Variants in ZBTB16 observed in about 807,000 individuals in gnomAD.
ZBTB16 encodes the protein zinc finger and BTB domain-containing protein 16.
Under a neutral mutation model 56.8 loss-of-function variants are expected in ZBTB16, and 8 were observed. That is an observed-to-expected ratio of 0.14 (90% CI 0.08 to 0.25). The LOEUF (loss-of-function observed/expected upper bound fraction) is 0.25, where lower values mean the gene tolerates loss of function less well. Among genes scored for constraint, ZBTB16 ranks in the 10% least tolerant of loss-of-function variants. ZBTB16 has a pLI of 1.00. For synonymous variants in ZBTB16, 363 were observed against 368.5 expected (o/e 0.98, Z 0.17); for missense variants, 625 against 903.0 (o/e 0.69, Z 3.95).
chr11:114,155,790 A>G (rs1271345347), intron 2 of ZBTB16, among the ~76,000 whole-genome samples: 5 of 152,186 alleles, frequency 3.3e-5, no homozygotes, highest in Non-Finnish European at 1.5e-5. Context: ...ATGCCAGAGA[A>G]GTATCTTATG....
At chr11:114,192,114 A>G (rs957840592) in intron 4 of ZBTB16, among the ~76,000 whole-genome samples, 3 of 152,178 alleles carry the variant, frequency 2.0e-5, no homozygotes, top group Non-Finnish European at 2.9e-5. Flanking sequence ...AGCTGGTGTC[A>G]TCTGAAGACT....
intron 4 of ZBTB16, among the ~76,000 whole-genome samples, chr11:114,226,876 A>G (rs776282435): frequency 4.2e-4 from 64 of 151,848 alleles, no homozygotes; most frequent in Non-Finnish European, 4.1e-4. Flanking sequence ...TTATTTTACT[A>G]TTTTTCTTTA....
chr11:114,145,600 G>A (rs1301127871), intron 2 of ZBTB16, among the ~76,000 whole-genome samples: 1 of 152,198 alleles, frequency 6.6e-6, no homozygotes, highest in African/African-American at 2.4e-5. Context: ...AATCTGTAGA[G>A]GAAGATAGTA....
chr11:114,230,482 A>G (rs965090492), intron 4 of ZBTB16, among the ~76,000 whole-genome samples: 1 of 152,142 alleles, frequency 6.6e-6, no homozygotes, highest in Non-Finnish European at 1.5e-5. Context: ...TGTGCCGTAC[A>G]GTACGGGAAG....
chr11:114,241,904 C>T (rs652091), intron 4 of ZBTB16, among the ~76,000 whole-genome samples: 143,409 of 152,228 alleles, frequency 0.94, 67,602 homozygotes, highest in East Asian at 0.99. Context: ...CAGTTGCCCA[C>T]TACCCTTGCT....
intron 2 of ZBTB16, among the ~76,000 whole-genome samples, chr11:114,152,723 C>T (rs549521632): frequency 1.3e-5 from 2 of 152,330 alleles, no homozygotes; most frequent in East Asian, 1.9e-4. Context: ...AAGGTAGCTT[C>T]TTCTCAGAGA....
intron 2 of ZBTB16, among the ~76,000 whole-genome samples, chr11:114,128,046 T>C (rs1431061764): frequency 6.6e-6 from 1 of 152,102 alleles, no homozygotes; most frequent in Non-Finnish European, 1.5e-5. Context: ...GTGGGAAGGG[T>C]ATAGGGCTGG....
chr11:114,209,378 G>A (rs1222998661), intron 4 of ZBTB16: 1 of 985,234 alleles, frequency 1.0e-6, no homozygotes, highest in African/African-American at 1.7e-5. Flanking sequence ...CAGGTTAATG[G>A]TGTCTGGGAT....
chr11:114,067,411 T>C (rs1939157407), intron 2 of ZBTB16, among the ~76,000 whole-genome samples: 1 of 151,982 alleles, frequency 6.6e-6, no homozygotes, highest in African/African-American at 2.4e-5. Flanking sequence ...GCTTTTGTTG[T>C]TGTTGTTGTT....
intron 3 of ZBTB16, among the ~76,000 whole-genome samples, chr11:114,174,044 C>G (rs914368597): frequency 1.3e-5 from 2 of 152,158 alleles, no homozygotes; most frequent in Non-Finnish European, 2.9e-5. Context: ...GAACTCATTC[C>G]TCTCTATAAT....
chr11:114,195,407 G>C (rs2135086222), intron 4 of ZBTB16, among the ~76,000 whole-genome samples: 1 of 152,274 alleles, frequency 6.6e-6, no homozygotes, highest in Non-Finnish European at 1.5e-5. Context: ...TGGCCAGAGA[G>C]ACTGAGGGAG....
intron 1 of ZBTB16, among the ~76,000 whole-genome samples, chr11:114,062,841 C>T (rs546211862): frequency 6.6e-6 from 1 of 152,320 alleles, no homozygotes; most frequent in East Asian, 1.9e-4. Flanking sequence ...TAAGTAAGTG[C>T]ACTTCATCAT....
intron 4 of ZBTB16, among the ~76,000 whole-genome samples, chr11:114,198,427 G>GGAGC (rs1943654705): frequency 6.6e-6 from 1 of 152,250 alleles, no homozygotes; most frequent in East Asian, 1.9e-4. Context: ...CGGCTGTGCT[G>GGAGC]GAGCTGCTTG....
intron 2 of ZBTB16, among the ~76,000 whole-genome samples, chr11:114,104,858 T>C (rs935563698): frequency 2.0e-5 from 3 of 152,208 alleles, no homozygotes; most frequent in African/African-American, 7.2e-5. Context: ...CTAGATGTTC[T>C]TGTAGGGGCA....
Position 114,100,519 on chromosome 11 carries a change from T to C in ZBTB16, c.1268+35951T>C, listed in dbSNP as rs1239154541. 2.0e-5 allele frequency among the ~76,000 whole-genome samples: 3 copies of C among 152,206 alleles called. No individual in the cohort carries two copies. In the East Asian group the frequency reaches 5.8e-4, roughly 29 times the overall value. On this transcript the variant is annotated intron_variant, in intron 2 of 6. Coordinates refer to ENST00000335953, the MANE Select transcript of ZBTB16 (RefSeq NM_006006.6). ...GGACTAGTATGTATTTAATATTTCA[T>C]CTAATTTTTGTAGCCCTGGCCTGGC...
intron 2 of ZBTB16, among the ~76,000 whole-genome samples, chr11:114,137,717 C>CT (rs200367270): frequency 2.1e-3 from 313 of 151,976 alleles, no homozygotes; most frequent in African/African-American, 6.3e-3. Context: ...TGACCATGCC[C>CT]TTTTTTTTGG....
intron 4 of ZBTB16, among the ~76,000 whole-genome samples, chr11:114,199,944 T>C (rs947658358): frequency 1.3e-5 from 2 of 152,080 alleles, no homozygotes; most frequent in East Asian, 1.9e-4. Flanking sequence ...CTGGCTAACA[T>C]GGTGAAACCC....
At chr11:114,190,350 A>G (rs138785782) in intron 4 of ZBTB16, among the ~76,000 whole-genome samples, 2,578 of 152,254 alleles carry the variant, frequency 0.017, 32 homozygotes, top group African/African-American at 0.028. Context: ...ATTTAATCCA[A>G]CTAACCTACT....
At position 114,063,351 on chromosome 11, in the gene ZBTB16, C is replaced by T; in HGVS notation, c.51C>T (p.Pro17=). The change falls in exon 2 of 7, where the codon CCC becomes CCT. Residue 17 remains proline, a synonymous_variant. Coordinates refer to ENST00000335953, the MANE Select transcript of ZBTB16 (RefSeq NM_006006.6). The surrounding 1 kb of genome is among the most constrained non-coding windows in gnomAD (Gnocchi z 6.5). ...TCCAGCTGCAGAACCCTAGCCACCC[C>T]ACGGGGCTACTGTGCAAGGCCAACC... ...GMIQLQNPSH[P]TGLLCKANQM... The T allele has an allele frequency of 6.2e-7, 1 of 1,614,148 alleles. No individual in the cohort carries two copies. Among genetic ancestry groups the T allele is most frequent in the South Asian group, 1.1e-5 (1 of 91,088 alleles).
Sources: allele counts gnomAD v4.1 joint callset (sites outside exome capture counted in the v4.1 genomes callset), GRCh38; gene constraint gnomAD v4.1.1; non-coding constraint Gnocchi (gnomAD v3.1); transcripts MANE v1.5; gene names NCBI Gene and HGNC (gene_info 2026-07-23, HGNC 2026-07-21).